MYPN: variants seen among roughly 807,000 people sequenced by gnomAD.
The protein encoded by MYPN is sarcomeric protein myopalladin, 145 kDa (MYOP).
In MYPN, 63 loss-of-function variants were observed where a neutral mutation model predicts 129.4. The ratio of observed to expected loss-of-function variants is 0.49; its 90% CI spans 0.40 to 0.60. MYPN has a LOEUF of 0.60. Ranked by LOEUF, MYPN falls within the 20% of genes least tolerant of loss-of-function variation. MYPN has a pLI of 0.00. For missense variants in MYPN, 1,596 were observed against 1,635.4 expected, an observed-to-expected ratio of 0.98 and a Z score of 0.42; for synonymous variants, 629 against 600.9, an observed-to-expected ratio of 1.05 and a Z score of -0.68.
chr10:68,155,459 T>A (rs1428643269), intron 6 of MYPN, among the ~76,000 whole-genome samples: 2 of 152,162 alleles, frequency 1.3e-5, no homozygotes, highest in African/African-American at 4.8e-5. Flanking sequence ...AGGTTGTAGA[T>A]CTTTGGTTAT....
chr10:68,165,656 G>T, intron 8 of MYPN, 46 bp from the exon 9 acceptor site: 1 of 1,368,786 alleles, frequency 7.3e-7, no homozygotes, highest in Non-Finnish European at 1.0e-6. Context: ...CTATAATTCT[G>T]TTTTCATAAT....
intron 2 of MYPN, among the ~76,000 whole-genome samples, chr10:68,126,880 A>G (rs1349485366): frequency 6.6e-6 from 1 of 152,234 alleles, no homozygotes; most frequent in East Asian, 1.9e-4. Context: ...TCCAAGGAAT[A>G]CCCTGGACAC....
intron 12 of MYPN, among the ~76,000 whole-genome samples, chr10:68,184,623 A>G (rs1268858309): frequency 1.3e-5 from 2 of 152,128 alleles, no homozygotes; most frequent in Non-Finnish European, 2.9e-5. Flanking sequence ...GCATTTCTTT[A>G]AGGAACTGTG....
At chr10:68,205,795 A>C (rs1418024952) in intron 18 of MYPN, among the ~76,000 whole-genome samples, 3 of 152,222 alleles carry the variant, frequency 2.0e-5, no homozygotes, top group African/African-American at 7.2e-5. Flanking sequence ...TTTACTAAAG[A>C]AATATATCAA....
intron 10 of MYPN, among the ~76,000 whole-genome samples, chr10:68,166,973 A>G (rs1310105761): frequency 1.3e-5 from 2 of 152,158 alleles, no homozygotes; most frequent in African/African-American, 4.8e-5. Context: ...TAGGAGTTTC[A>G]GGCTACAGTG....
intron 10 of MYPN, among the ~76,000 whole-genome samples, chr10:68,168,597 G>C (rs555307991): frequency 6.6e-6 from 1 of 152,128 alleles, no homozygotes; most frequent in African/African-American, 2.4e-5. Flanking sequence ...ATCAATACAA[G>C]AAGACAAACA....
At chr10:68,110,908 C>A (rs1018212902) in intron 1 of MYPN, among the ~76,000 whole-genome samples, 3 of 152,098 alleles carry the variant, frequency 2.0e-5, no homozygotes, top group African/African-American at 7.2e-5. Flanking sequence ...ATAGGCCTTA[C>A]AGAATCTTAT....
At chr10:68,109,127 CT>C (rs548772522), upstream of MYPN, 16 of 158,442 alleles carry the variant, frequency 1.0e-4, no homozygotes, top group East Asian at 2.8e-3. Flanking sequence ...TTCAGGTTGG[CT>C]TTTCATAGCC....
intron 14 of MYPN, 134 bp from the exon 15 acceptor site, chr10:68,195,316 T>C (rs1346396315): frequency 1.4e-6 from 1 of 739,828 alleles, no homozygotes; most frequent in Non-Finnish European, 2.4e-6. Flanking sequence ...TATTTTATTG[T>C]TTTTATTTCT....
chr10:68,182,256 TATATATATAAC>T lies in MYPN; in HGVS notation c.2704-6636_2704-6626del, dbSNP rs1564686490. Among the ~76,000 whole-genome samples, 60 of 59,732 alleles carry T rather than the reference TATATATATAAC, an allele frequency of 1.0e-3. 1 individual carries two copies. Among genetic ancestry groups the T allele is most frequent in the Non-Finnish European group, 2.1e-3 (56 of 26,332 alleles). 39.2% of individuals were successfully genotyped at this position (59,732 alleles called of 152,430 possible). On this transcript the variant is annotated intron_variant, in intron 12 of 19. Coordinates refer to ENST00000358913, the MANE Select transcript of MYPN (RefSeq NM_032578.4). ...ATATATAACATATATATAACACACA[TATATATATAAC>T]ATATATATAACACACATATATATAT...
chr10:68,166,599 G>T lies in MYPN; in HGVS notation c.1906G>T (p.Ala636Ser). 1 of 1,614,082 alleles carries T rather than the reference G, an allele frequency of 6.2e-7. No homozygotes were observed. The highest frequency in any genetic ancestry group is 8.5e-7 in the Non-Finnish European group (1 of 1,180,014). The change falls in exon 10 of 20, where the codon GCA becomes TCA. Residue 636 changes from alanine (A) to serine (S), a missense_variant. Physicochemically the swap from Ala to Ser is moderately conservative, Grantham distance 99 (BLOSUM62 1). Coordinates refer to ENST00000358913, the MANE Select transcript of MYPN (RefSeq NM_032578.4). ...DSFQERFNGQ[A>S]TKTPEPSSPV... ...TTTCCAGGAGAGGTTCAACGGACAGGCAACAAAAACCCCAGAGCCTTCTTC... is the reference window on the plus strand; with the variant it reads ...TTTCCAGGAGAGGTTCAACGGACAGTCAACAAAAACCCCAGAGCCTTCTTC...
chr10:68,094,716 G>A (rs893413981), intron 1 of MYPN, among the ~76,000 whole-genome samples: 2 of 152,176 alleles, frequency 1.3e-5, no homozygotes, highest in Non-Finnish European at 2.9e-5. Flanking sequence ...GGGTCTTAAA[G>A]TTTAGCATTT....
intron 1 of MYPN, 135 bp from the exon 2 acceptor site, chr10:68,121,303 T>G (rs2042237400): frequency 6.3e-6 from 5 of 788,760 alleles, no homozygotes; most frequent in Non-Finnish European, 9.8e-6. Flanking sequence ...AATTAAAAGT[T>G]TGTAAAAGTA....
At chr10:68,169,050 A>G (rs1490148059) in intron 10 of MYPN, among the ~76,000 whole-genome samples, 3 of 145,176 alleles carry the variant, frequency 2.1e-5, no homozygotes, top group East Asian at 4.2e-4. Context: ...TATGGCTTGT[A>G]GAAGTGACTT....
At chr10:68,166,979 C>T (rs1339423148) in intron 10 of MYPN, among the ~76,000 whole-genome samples, 2 of 152,044 alleles carry the variant, frequency 1.3e-5, no homozygotes, top group Non-Finnish European at 2.9e-5. Flanking sequence ...TTTCAGGCTA[C>T]AGTGAGCTGT....
chr10:68,108,321 T>C (rs970753777), upstream of MYPN, among the ~76,000 whole-genome samples: 1 of 152,238 alleles, frequency 6.6e-6, no homozygotes. Context: ...AGAAATTTTA[T>C]ATCTGTTCAA....
At chr10:68,201,792 A>C in intron 17 of MYPN, 37 bp from the exon 18 acceptor site, 1 of 1,608,606 alleles carries the variant, frequency 6.2e-7, no homozygotes, top group South Asian at 1.1e-5. Flanking sequence ...AAAAAAAAAA[A>C]AAGAAAGAAA....
intron 2 of MYPN, among the ~76,000 whole-genome samples, chr10:68,134,065 G>C (rs2134034131): frequency 6.6e-6 from 1 of 152,168 alleles, no homozygotes; most frequent in African/African-American, 2.4e-5. Context: ...AAGAAGGGAA[G>C]AAATCATTCT....
At chr10:68,158,411 T>C in intron 6 of MYPN, 75 bp from the exon 7 acceptor site, 2 of 1,462,994 alleles carry the variant, frequency 1.4e-6, no homozygotes, top group Non-Finnish European at 1.9e-6. Context: ...CATCTTTTTC[T>C]AAAATTCAAC....
Sources: allele counts gnomAD v4.1 joint callset (sites outside exome capture counted in the v4.1 genomes callset), GRCh38; gene constraint gnomAD v4.1.1; transcripts MANE v1.5; gene names NCBI Gene and HGNC (gene_info 2026-07-23, HGNC 2026-07-21).